Variants in KTN1 observed in about 807,000 individuals in gnomAD.
The protein encoded by KTN1 is kinectin 1, also known as kinectin.
KTN1 carries 130 observed loss-of-function variants against 222.5 expected under a neutral mutation model. That is an observed-to-expected ratio of 0.58 (90% CI 0.51 to 0.68). The LOEUF (loss-of-function observed/expected upper bound fraction) is 0.68, where lower values mean the gene tolerates loss of function less well. Ranked by LOEUF, KTN1 falls within the 30% of genes least tolerant of loss-of-function variation. The pLI is 0.00. For synonymous variants in KTN1, 512 were observed against 496.3 expected (o/e 1.03, Z -0.42); for missense variants, 1,508 against 1,500.4 (o/e 1.01, Z -0.08).
rs115128151 is a variant in KTN1, at chr14:55,678,416, T to G, written c.3920T>G (p.Ile1307Ser). The change falls in exon 42 of 44, where the codon ATT becomes AGT. Residue 1307 changes from isoleucine (I) to serine (S), a missense_variant. By Grantham distance (142) the Ile-to-Ser change is moderately radical. Transcript: ENST00000395314. ...AAAGCTGCTGGAGACACTACTGTTA[T>G]TGAAAATAGTGATGTTTCCCCAGAA... ...IVKAAGDTTV[I>S]ENSDVSPETE... is the part of the protein sequence containing the mutation. 1 of 1,609,620 alleles carries G rather than the reference T, an allele frequency of 6.2e-7. No homozygotes were observed. The highest frequency in any genetic ancestry group is 8.5e-7 in the Non-Finnish European group (1 of 1,175,924).
At chr14:55,594,289 C>T (rs1005202312) in intron 1 of KTN1, among the ~76,000 whole-genome samples, 1 of 152,116 alleles carries the variant, frequency 6.6e-6, no homozygotes, top group African/African-American at 2.4e-5. Context: ...CTGTTCCCTT[C>T]CTTTGCACAA....
chr14:55,671,950 C>T, intron 37 of KTN1, 73 bp downstream of exon 37: 2 of 872,324 alleles, frequency 2.3e-6, no homozygotes, highest in Non-Finnish European at 3.8e-6. Flanking sequence ...TCAGCATCAC[C>T]ATGCACATTC....
Position 55,648,107 on chromosome 14 carries a change from G to T in KTN1, c.2290G>T (p.Glu764Ter), listed in dbSNP as rs2042577516. Reference protein sequence around the residue: ...GLIQVATKEEELNAIRTENSS... With the variant: ...GLIQVATKEE ...TATTCAGGTGGCAACTAAAGAAGAG[G>T]AGCTGAATGTAAAGCATTTTGTAGT... The change falls in exon 20 of 44, where the codon GAG (glutamate) becomes TAG (stop). Residue 764 changes from glutamate to a stop codon, truncating the protein, a stop_gained. Transcript: ENST00000395314. LOFTEE classifies it high-confidence loss of function. The T allele has an allele frequency of 6.5e-7, 1 of 1,530,434 alleles. No homozygotes were observed. Among genetic ancestry groups the T allele is most frequent in the African/African-American group, 1.4e-5 (1 of 71,892 alleles). 94.8% of individuals were successfully genotyped at this position (1,530,434 alleles called of 1,614,324 possible). A position where few individuals can be genotyped will look rare whatever the true frequency, so the allele number is the denominator to read the frequency against.
At position 55,637,231 on chromosome 14, in the gene KTN1, A is replaced by G. The variant is rs185288307; in HGVS notation, c.1583A>G (p.Glu528Gly). ...AGTAAATTTGTGGCCAAAGAAAATG[A>G]AGTACAGAGTCTGCATAGTAAGCTT... ...LQSKFVAKEN[E>G]VQSLHSKLTD... The change falls in exon 11 of 44, where the codon GAA becomes GGA. Residue 528 changes from glutamate to glycine, a missense_variant. Glu to Gly is a moderately conservative substitution (Grantham distance 98, BLOSUM62 -2). Transcript: ENST00000395314. 34 of 1,606,950 alleles carry G rather than the reference A, an allele frequency of 2.1e-5. No individual in the cohort carries two copies. In the Admixed American group the frequency reaches 5.2e-4, roughly 25 times the overall value.
At chr14:55,604,516 A>G (rs969921094) in intron 1 of KTN1, among the ~76,000 whole-genome samples, 20 of 152,114 alleles carry the variant, frequency 1.3e-4, no homozygotes, top group Admixed American at 3.3e-4. Flanking sequence ...ATGACTGTCC[A>G]CATCTTCCTG....
rs1326896624 is a variant in KTN1, at chr14:55,684,263, A to G, written c.*160A>G. 1.5e-5 allele frequency: 6 copies of G among 409,708 alleles called. No individual in the cohort carries two copies. The highest frequency in any genetic ancestry group is 4.2e-5 in the African/African-American group (2 of 47,358). The allele number at this position is 409,708 out of a possible 1,614,324, so 25.4% of individuals were successfully genotyped here. On this transcript the variant is annotated 3_prime_UTR_variant, in exon 44 of 44. Transcript: ENST00000395314. ...TGTTAGACTACTGATTTAAAGAAGG[A>G]AAAAAAAAAGCCAACTCTGTAGACA...
chr14:55,600,636 T>C (rs1566679922), intron 1 of KTN1, among the ~76,000 whole-genome samples: 1 of 152,020 alleles, frequency 6.6e-6, no homozygotes, highest in Admixed American at 6.6e-5. Context: ...AGAAATCTTA[T>C]GAAAGGAAAA....
intron 7 of KTN1, among the ~76,000 whole-genome samples, chr14:55,630,397 T>A (rs1244365036): frequency 6.6e-6 from 1 of 152,188 alleles, no homozygotes; most frequent in East Asian, 1.9e-4. Context: ...CAGACTGTGT[T>A]AAATCTTTTA....
intron 20 of KTN1, among the ~76,000 whole-genome samples, chr14:55,648,360 T>C (rs1371068188): frequency 1.3e-5 from 2 of 152,232 alleles, no homozygotes; most frequent in Non-Finnish European, 2.9e-5. Flanking sequence ...ACCAAAATTA[T>C]AACCAAATGA....
intron 1 of KTN1, among the ~76,000 whole-genome samples, chr14:55,593,430 A>G (rs2034474259): frequency 7.0e-6 from 1 of 142,062 alleles, no homozygotes; most frequent in Non-Finnish European, 1.5e-5. Flanking sequence ...TTGATCAGAA[A>G]TAGACACCCC....
chr14:55,583,348 T>C (rs2032172104), intron 1 of KTN1, among the ~76,000 whole-genome samples: 1 of 152,206 alleles, frequency 6.6e-6, no homozygotes, highest in Non-Finnish European at 1.5e-5. Context: ...ATACTTTTAA[T>C]TCTAACAATA....
chr14:55,670,876 T>C, intron 35 of KTN1, 67 bp downstream of exon 35: 1 of 1,070,866 alleles, frequency 9.3e-7, no homozygotes, highest in Non-Finnish European at 1.4e-6. Context: ...GATTTTGTCT[T>C]CATAAGCTTG....
chr14:55,675,973 A>G (rs1382631393), intron 41 of KTN1, 55 bp downstream of exon 41: 15 of 1,205,474 alleles, frequency 1.2e-5, no homozygotes, highest in East Asian at 7.2e-5. Flanking sequence ...TGTGTGTTCA[A>G]TCTTAAGCAA....
At chr14:55,678,557 TC>T (rs781228045) in intron 42 of KTN1, 113 bp downstream of exon 42, 7 of 685,234 alleles carry the variant, frequency 1.0e-5, no homozygotes, top group Admixed American at 4.6e-5. Context: ...AAATATCCTG[TC>T]CCTAAAATGT....
At position 55,619,246 on chromosome 14, in the gene KTN1, T is replaced by C. The variant is rs370824619; in HGVS notation, c.897T>C (p.Asp299=). Reference sequence around the variant, plus strand: ...TGAAGACTATGATGTTTTCTGAAGATGAGGCTCTTTGTGTTGTAGACTTGC... The same window carrying C: ...TGAAGACTATGATGTTTTCTGAAGACGAGGCTCTTTGTGTTGTAGACTTGC... The part of the protein sequence containing the change: ...LSLKTMMFSE[D]EALCVVDLLK... The change falls in exon 5 of 44, where the codon GAT becomes GAC. Residue 299 remains aspartate, a synonymous_variant. Coordinates refer to ENST00000395314, the MANE Select transcript of KTN1 (RefSeq NM_001079521.2). The C allele has an allele frequency of 1.9e-5, 30 of 1,611,028 alleles. No homozygotes were observed. The African/African-American group carries it at 4.0e-4, about 22-fold the overall frequency.
At chr14:55,648,002 G>GT (rs1312342886) in intron 19 of KTN1, 23 bp from the exon 20 acceptor site, 2 of 986,924 alleles carry the variant, frequency 2.0e-6, no homozygotes, top group South Asian at 3.6e-5. Flanking sequence ...GTTAATACAT[G>GT]TGTTACAAAT....
At chr14:55,590,234 TTTA>T (rs1479856806) in intron 1 of KTN1, among the ~76,000 whole-genome samples, 2 of 152,164 alleles carry the variant, frequency 1.3e-5, no homozygotes, top group African/African-American at 2.4e-5. Context: ...TACTTGTCTT[TTTA>T]TTGTTTTATT....
intron 1 of KTN1, among the ~76,000 whole-genome samples, chr14:55,597,482 T>G (rs1306250508): frequency 1.3e-5 from 2 of 152,240 alleles, no homozygotes; most frequent in Non-Finnish European, 2.9e-5. Context: ...TTTTGCTGTT[T>G]GCGTAGATGT....
At chr14:55,634,846 A>G (rs554135128) in intron 9 of KTN1, among the ~76,000 whole-genome samples, 188 bp downstream of exon 9, 8 of 152,290 alleles carry the variant, frequency 5.3e-5, no homozygotes, top group African/African-American at 1.9e-4. Context: ...GTGAAGAAGC[A>G]GCAAAGCATC....
Sources: gnomAD v4.1 joint callset for allele counts (sites outside exome capture counted in the v4.1 genomes callset) on GRCh38, gnomAD v4.1.1 for gene constraint, MANE v1.5 for transcripts, NCBI Gene and HGNC (gene_info 2026-07-23, HGNC 2026-07-21) for gene names.